TRAM2: variants seen among roughly 807,000 people sequenced by gnomAD.
TRAM2 encodes the protein translocating chain-associated membrane protein 2.
In TRAM2, 12 loss-of-function variants were observed where a neutral mutation model predicts 51.0. That is an observed-to-expected ratio of 0.24 (90% CI 0.15 to 0.38). The LOEUF is 0.38. Among genes scored for constraint, TRAM2 ranks in the 10% least tolerant of loss-of-function variants. TRAM2 has a pLI of 1.00. For synonymous variants in TRAM2, 175 were observed against 179.4 expected (o/e 0.98, Z 0.20); for missense variants, 361 against 462.0 (o/e 0.78, Z 2.00).
chr6:52,549,249 C>T (rs1039022501), intron 1 of TRAM2, among the ~76,000 whole-genome samples: 5 of 136,912 alleles, frequency 3.7e-5, no homozygotes, highest in Non-Finnish European at 8.2e-5. Flanking sequence ...TTCCCTCCTT[C>T]CCTCCCTTCC....
chr6:52,530,750 A>G (rs1250597744), intron 2 of TRAM2, among the ~76,000 whole-genome samples: 2 of 152,138 alleles, frequency 1.3e-5, no homozygotes, highest in Non-Finnish European at 2.9e-5. Flanking sequence ...TGGTCTCGGG[A>G]TTCTAGAATC....
intron 1 of TRAM2, among the ~76,000 whole-genome samples, chr6:52,561,201 G>C (rs761086724): frequency 1.5e-4 from 23 of 152,338 alleles, no homozygotes; most frequent in South Asian, 1.4e-3. Context: ...ACAAAGTAGA[G>C]AGTTGTTGCT....
At chr6:52,505,409 G>C (rs897165947) in intron 9 of TRAM2, among the ~76,000 whole-genome samples, 190 bp downstream of exon 9, 1 of 152,210 alleles carries the variant, frequency 6.6e-6, no homozygotes, top group South Asian at 2.1e-4. Flanking sequence ...CCAGGACTAG[G>C]GGATGAAGAT....
At chr6:52,570,800 C>A (rs112470650) in intron 1 of TRAM2, among the ~76,000 whole-genome samples, 3 of 115,796 alleles carry the variant, frequency 2.6e-5, no homozygotes, top group Non-Finnish European at 5.6e-5. Context: ...CCACCACCCC[C>A]CCCCCCACAC....
chr6:52,530,215 T>C (rs949185707), intron 2 of TRAM2, among the ~76,000 whole-genome samples: 5 of 152,180 alleles, frequency 3.3e-5, no homozygotes, highest in African/African-American at 1.2e-4. Context: ...CAGAAGTTAG[T>C]AAAGGAATAT....
At position 52,500,456 on chromosome 6, in the gene TRAM2, C is replaced by G. The variant is rs1039516439; in HGVS notation, c.*2741G>C. ...GTACCCTACAACTACCCTCTAACCA[C>G]CCCCCCCAAACATCCCTGAAGCCCA... On this transcript the variant is annotated 3_prime_UTR_variant, in exon 11 of 11. Coordinates refer to ENST00000182527, the MANE Select transcript of TRAM2 (RefSeq NM_012288.4). 6.6e-6 allele frequency: 1 copy of G among 151,072 alleles called. No individual in the cohort carries two copies. Among genetic ancestry groups the G allele is most frequent in the Non-Finnish European group, 1.5e-5 (1 of 67,800 alleles). 9.4% of individuals were successfully genotyped at this position (151,072 alleles called of 1,614,324 possible). A position where few individuals can be genotyped will look rare whatever the true frequency, so the allele number is the denominator to read the frequency against.
rs1766271871 is a variant in TRAM2 at position 52,503,202 on chromosome 6, G to A, written c.1108C>T (p.Pro370Ser). Residue 370 changes from proline to serine, a missense_variant, in exon 11 of 11, where the codon CCC becomes TCC. By Grantham distance (74) the Pro-to-Ser change is moderately conservative. Transcript: ENST00000182527. Reference sequence around the variant, plus strand: ...CTGTTCTTAGCACTTTGGCCTTAGGGAGACTTGAGTTTCTTAGTCCGTGGG... The same window carrying A: ...CTGTTCTTAGCACTTTGGCCTTAGGAAGACTTGAGTTTCTTAGTCCGTGGG... The part of the protein sequence containing the change: ...TSPRTKKLKS[P>S] The A allele has an allele frequency of 9.3e-6, 15 of 1,613,608 alleles. No individual in the cohort carries two copies. Among genetic ancestry groups the A allele is most frequent in the Non-Finnish European group, 1.2e-5 (14 of 1,179,884 alleles).
chr6:52,516,177 A>C, intron 3 of TRAM2, 55 bp from the exon 4 acceptor site: 2 of 1,532,836 alleles, frequency 1.3e-6, no homozygotes. Flanking sequence ...CATATTGGGC[A>C]GGTTTCAAAC....
At chr6:52,509,618 G>A (rs745326147) in intron 4 of TRAM2, 32 bp from the exon 5 acceptor site, 4 of 1,611,762 alleles carry the variant, frequency 2.5e-6, no homozygotes, top group African/African-American at 1.3e-5. Flanking sequence ...ACCATTTAGA[G>A]ATGTGGACGT....
At chr6:52,563,746 T>C (rs540666408) in intron 1 of TRAM2, among the ~76,000 whole-genome samples, 1 of 149,792 alleles carries the variant, frequency 6.7e-6, no homozygotes, top group Non-Finnish European at 1.5e-5. Context: ...GGGAGCTAGA[T>C]GAGAACAGGT....
At chr6:52,565,306 C>G (rs548380481) in intron 1 of TRAM2, among the ~76,000 whole-genome samples, 1 of 152,234 alleles carries the variant, frequency 6.6e-6, no homozygotes, top group East Asian at 1.9e-4. Context: ...CAAGCTAAAA[C>G]AAAAGATCAT....
At chr6:52,511,889 A>T (rs1766457693) in intron 4 of TRAM2, among the ~76,000 whole-genome samples, 1 of 150,360 alleles carries the variant, frequency 6.7e-6, no homozygotes, top group Non-Finnish European at 1.5e-5. Context: ...TCTCACTACC[A>T]CTCTCTCCTC....
Position 52,507,570 on chromosome 6 carries a change from A to T in TRAM2, c.609T>A (p.Ala203=). 1 of 1,614,228 alleles carries T rather than the reference A, an allele frequency of 6.2e-7. No homozygotes were observed. The change falls in exon 7 of 11, where the codon GCT becomes GCA. Residue 203 remains alanine, a synonymous_variant. Coordinates refer to ENST00000182527, the MANE Select transcript of TRAM2 (RefSeq NM_012288.4). ...TCACTCACTTTAAGAGGTATGCTCCAGCTATATGCACCAGGTACAGGCAAA... is the reference window on the plus strand; with the variant it reads ...TCACTCACTTTAAGAGGTATGCTCCTGCTATATGCACCAGGTACAGGCAAA... ...QYICLYLVHI[A]GAYLLNLSRL...
At chr6:52,511,060 G>A (rs1428233894) in intron 4 of TRAM2, among the ~76,000 whole-genome samples, 2 of 152,152 alleles carry the variant, frequency 1.3e-5, no homozygotes, top group Non-Finnish European at 2.9e-5. Flanking sequence ...TTAGAAATGG[G>A]AAAATGAAAA....
In TRAM2 at chr6:52,503,084, G is replaced by T; in HGVS notation, c.*113C>A. 1.1e-6 allele frequency: 1 copy of T among 890,702 alleles called. No homozygotes were observed. The highest frequency in any genetic ancestry group is 1.9e-6 in the Non-Finnish European group (1 of 540,356). The allele number at this position is 890,702 out of a possible 1,614,324, so 55.2% of individuals were successfully genotyped here. A position where few individuals can be genotyped will look rare whatever the true frequency, so the allele number is the denominator to read the frequency against. On this transcript the variant is annotated 3_prime_UTR_variant, in exon 11 of 11. Transcript: ENST00000182527. ...TCCCCCCATTGCAAGACAGGTTTCGGCTGTTTGAGACGGAGCATCACAGGC... is the reference window on the plus strand; with the variant it reads ...TCCCCCCATTGCAAGACAGGTTTCGTCTGTTTGAGACGGAGCATCACAGGC...
At chr6:52,565,615 G>A (rs1767577966) in intron 1 of TRAM2, among the ~76,000 whole-genome samples, 1 of 152,152 alleles carries the variant, frequency 6.6e-6, no homozygotes, top group African/African-American at 2.4e-5. Flanking sequence ...TCTATTTCTA[G>A]GGGGTCTGGC....
intron 2 of TRAM2, among the ~76,000 whole-genome samples, chr6:52,518,764 C>T (rs527957916): frequency 7.9e-5 from 12 of 152,256 alleles, no homozygotes; most frequent in South Asian, 2.1e-4. Flanking sequence ...CCACATGTGA[C>T]GCCAGGATTA....
chr6:52,505,211 C>T (rs1158556912), intron 9 of TRAM2, among the ~76,000 whole-genome samples: 2 of 152,186 alleles, frequency 1.3e-5, no homozygotes, highest in South Asian at 2.1e-4. Context: ...CTAGGGGCTC[C>T]GGAAAATAGT....
chr6:52,535,640 C>T (rs1766965910), intron 2 of TRAM2, 143 bp downstream of exon 2: 4 of 625,784 alleles, frequency 6.4e-6, no homozygotes. Flanking sequence ...AAGATTGTGC[C>T]ACTGCACTCC....
Sources: allele counts gnomAD v4.1 joint callset (sites outside exome capture counted in the v4.1 genomes callset), GRCh38; gene constraint gnomAD v4.1.1; transcripts MANE v1.5; gene names NCBI Gene and HGNC (gene_info 2026-07-23, HGNC 2026-07-21).